Variants in PDE1A observed in about 807,000 individuals in gnomAD.
PDE1A encodes the protein phosphodiesterase 1A.
In PDE1A, 35 loss-of-function variants were observed where a neutral mutation model predicts 61.7. The ratio of observed to expected loss-of-function variants is 0.57; its 90% CI spans 0.43 to 0.75. The LOEUF (loss-of-function observed/expected upper bound fraction) is 0.75. Among genes scored for constraint, PDE1A ranks in the 30% least tolerant of loss-of-function variants. The pLI is 0.00. For synonymous variants in PDE1A, 232 were observed against 213.2 expected (o/e 1.09, Z -0.77); for missense variants, 597 against 630.6 (o/e 0.95, Z 0.57).
chr2:182,317,371 C>G (rs1356393120), intron 1 of PDE1A, among the ~76,000 whole-genome samples: 1 of 151,890 alleles, frequency 6.6e-6, no homozygotes, highest in Non-Finnish European at 1.5e-5. Flanking sequence ...CCTTAAAGGA[C>G]TACAGCCATT....
intron 13 of PDE1A, among the ~76,000 whole-genome samples, chr2:182,171,168 A>G (rs1243387718): frequency 1.3e-5 from 2 of 152,066 alleles, no homozygotes; most frequent in Non-Finnish European, 2.9e-5. Context: ...ATAAGCAACC[A>G]TCTAACTCAG....
At position 182,439,078 on chromosome 2, in the gene PDE1A, A is replaced by G. The variant is rs564988418; in HGVS notation, c.101+83198T>C. On this transcript the variant is annotated intron_variant, in intron 2 of 14. Transcript: ENST00000410103. ...TAATAAGGTGTACTGAATGAAAAAG[A>G]AAAAGGATTCTAAGATAATAATTAG... 1.6e-4 allele frequency among the ~76,000 whole-genome samples: 24 copies of G among 152,184 alleles called. No homozygotes were observed. In the South Asian group the frequency reaches 2.5e-3, roughly 16 times the overall value.
chr2:182,659,122 T>C, the PDE1A span, among the ~76,000 whole-genome samples: 3 of 152,160 alleles, frequency 2.0e-5, no homozygotes, highest in East Asian at 3.9e-4. Flanking sequence ...ATCTCTCTAT[T>C]TGTAAGTTCC....
chr2:182,246,672 T>C (rs1690999322), intron 2 of PDE1A, among the ~76,000 whole-genome samples: 1 of 152,132 alleles, frequency 6.6e-6, no homozygotes, highest in Non-Finnish European at 1.5e-5. Context: ...CCTCCCAAAA[T>C]GCTGGGATTG....
the PDE1A span, among the ~76,000 whole-genome samples, chr2:182,548,961 G>C: frequency 6.6e-6 from 1 of 152,168 alleles, no homozygotes; most frequent in Non-Finnish European, 1.5e-5. Context: ...ATGTGTTTAA[G>C]ACGTTAAGTC....
intron 2 of PDE1A, among the ~76,000 whole-genome samples, chr2:182,483,264 G>A (rs541257716): frequency 1.3e-5 from 2 of 151,762 alleles, no homozygotes; most frequent in Non-Finnish European, 2.9e-5. Flanking sequence ...CTCAATATTT[G>A]ATAGAAAAAC....
chr2:182,293,141 T>C (rs936443448), intron 1 of PDE1A, among the ~76,000 whole-genome samples: 4 of 152,076 alleles, frequency 2.6e-5, no homozygotes, highest in African/African-American at 4.8e-5. Flanking sequence ...TACCACAGAA[T>C]TGACAGTCAT....
At chr2:182,390,105 G>A (rs188770926) in intron 1 of PDE1A, among the ~76,000 whole-genome samples, 271 of 152,150 alleles carry the variant, frequency 1.8e-3, no homozygotes, top group African/African-American at 6.2e-3. Flanking sequence ...ATGTGAGTCG[G>A]TACTCCTTAA....
intron 2 of PDE1A, among the ~76,000 whole-genome samples, chr2:182,462,980 C>G (rs1005056149): frequency 6.6e-6 from 1 of 152,250 alleles, no homozygotes; most frequent in Non-Finnish European, 1.5e-5. Flanking sequence ...GTGGCTCACA[C>G]CTGTAATCCC....
At chr2:182,345,702 C>T (rs1698478742) in intron 1 of PDE1A, among the ~76,000 whole-genome samples, 1 of 152,128 alleles carries the variant, frequency 6.6e-6, no homozygotes. Context: ...CAGGAATACT[C>T]TTCCCCCAGG....
At chr2:182,636,904 A>G in the PDE1A span, among the ~76,000 whole-genome samples, 1 of 152,210 alleles carries the variant, frequency 6.6e-6, no homozygotes, top group African/African-American at 2.4e-5. Context: ...CTTTGCTCCT[A>G]GAGGCTGTGC....
chr2:182,512,808 T>C (rs1266647455), intron 2 of PDE1A, among the ~76,000 whole-genome samples: 1 of 152,124 alleles, frequency 6.6e-6, no homozygotes, highest in African/African-American at 2.4e-5. Context: ...CATAATACGA[T>C]CACAAGTATT....
At chr2:182,655,685 T>TC in the PDE1A span, among the ~76,000 whole-genome samples, 2 of 152,176 alleles carry the variant, frequency 1.3e-5, no homozygotes, top group Non-Finnish European at 2.9e-5. Flanking sequence ...GTTTTCTTTT[T>TC]CCCCGGCAAG....
chr2:182,378,141 C>T (rs1431399129), intron 1 of PDE1A, among the ~76,000 whole-genome samples: 10 of 152,106 alleles, frequency 6.6e-5, no homozygotes, highest in Non-Finnish European at 8.8e-5. Flanking sequence ...CCACCGTGCC[C>T]GGCCCAGACA....
At position 182,284,108 on chromosome 2, in the gene PDE1A, C is replaced by T. The variant is rs1694004506; in HGVS notation, c.54-19694G>A. 2.0e-5 allele frequency among the ~76,000 whole-genome samples: 3 copies of T among 151,946 alleles called. No homozygotes were observed. The South Asian group carries it at 6.2e-4, about 31-fold the overall frequency. On this transcript the variant is annotated intron_variant, in intron 1 of 13. Coordinates refer to ENST00000351439, the Ensembl canonical transcript of PDE1A. ...TATTGCAAGAATCAGTCTGGGAGAA[C>T]AAGAGGCAGTAAGGAAAGGAAATGG... is the stretch of plus-strand genomic sequence containing the variant.
upstream of PDE1A, among the ~76,000 whole-genome samples, chr2:182,527,204 T>G (rs1359570128): frequency 6.8e-6 from 1 of 147,052 alleles, no homozygotes; most frequent in Non-Finnish European, 1.5e-5. Context: ...CCATGAGTCA[T>G]GCCCATAAAC....
chr2:182,559,997 G>C, the PDE1A span, among the ~76,000 whole-genome samples: 13,250 of 151,922 alleles, frequency 0.087, 1,927 homozygotes, highest in African/African-American at 0.3. Context: ...GGTAGTTTGT[G>C]GGGGAAGAGA....
At chr2:182,686,091 A>T in the PDE1A span, among the ~76,000 whole-genome samples, 1 of 152,202 alleles carries the variant, frequency 6.6e-6, no homozygotes, top group African/African-American at 2.4e-5. Context: ...CCCCTCCAAT[A>T]GGCAAGTTTA....
chr2:182,663,523 G>T, the PDE1A span, among the ~76,000 whole-genome samples: 2 of 152,150 alleles, frequency 1.3e-5, no homozygotes, highest in Non-Finnish European at 2.9e-5. Context: ...TCCTTTGCAG[G>T]AACATGCATG....
Sources: gnomAD v4.1 joint callset for allele counts (sites outside exome capture counted in the v4.1 genomes callset) on GRCh38, gnomAD v4.1.1 for gene constraint, MANE v1.5 for transcripts, NCBI Gene and HGNC (gene_info 2026-07-23, HGNC 2026-07-21) for gene names.